CNTN6: variants seen among roughly 807,000 people sequenced by gnomAD.
CNTN6 encodes contactin 6.
In CNTN6, 137 loss-of-function variants were observed where a neutral mutation model predicts 122.8. The observed-to-expected ratio is 1.12, with a 90% CI of 0.97 to 1.29. The LOEUF (loss-of-function observed/expected upper bound fraction) is 1.29. Ranked by LOEUF, CNTN6 falls within the 50% of genes most tolerant of loss-of-function variation. The pLI is 0.00. For missense variants in CNTN6, 1,634 were observed against 1,223.4 expected, an observed-to-expected ratio of 1.34 and a Z score of -5.01; for synonymous variants, 570 against 426.0, an observed-to-expected ratio of 1.34 and a Z score of -4.16.
chr3:1,269,618 A>T (rs2094988772), intron 4 of CNTN6, among the ~76,000 whole-genome samples: 1 of 152,170 alleles, frequency 6.6e-6, no homozygotes, highest in Non-Finnish European at 1.5e-5. Context: ...TGTGTCTATT[A>T]TAGAAAATCA....
intron 7 of CNTN6, among the ~76,000 whole-genome samples, chr3:1,306,538 T>G (rs1698384548): frequency 6.6e-6 from 1 of 152,188 alleles, no homozygotes; most frequent in Admixed American, 6.5e-5. Context: ...TGCTGAAAAG[T>G]GTGGACTTTA....
At chr3:1,205,175 G>C (rs61585331) in intron 2 of CNTN6, among the ~76,000 whole-genome samples, 51,834 of 151,812 alleles carry the variant, frequency 0.34, 9,562 homozygotes, top group African/African-American at 0.5. Context: ...GCAGTCTCTA[G>C]AAGTCGTATA....
intron 4 of CNTN6, among the ~76,000 whole-genome samples, chr3:1,249,372 A>G (rs2094627150): frequency 6.6e-6 from 1 of 152,220 alleles, no homozygotes; most frequent in Non-Finnish European, 1.5e-5. Flanking sequence ...TATTTTCTGT[A>G]TTTATACATC....
chr3:1,182,474 G>A (rs1366677316), intron 2 of CNTN6, among the ~76,000 whole-genome samples: 7 of 152,110 alleles, frequency 4.6e-5, no homozygotes, highest in Non-Finnish European at 8.8e-5. Context: ...CAAAATGGTA[G>A]TATCATCCTA....
At chr3:1,333,424 C>G (rs547659660) in intron 11 of CNTN6, among the ~76,000 whole-genome samples, 3 of 152,140 alleles carry the variant, frequency 2.0e-5, no homozygotes, top group Non-Finnish European at 4.4e-5. Flanking sequence ...TACATAACTT[C>G]TACCATCTCA....
At chr3:1,208,784 C>A (rs541687826) in intron 2 of CNTN6, among the ~76,000 whole-genome samples, 1 of 137,142 alleles carries the variant, frequency 7.3e-6, no homozygotes, top group African/African-American at 2.8e-5. Flanking sequence ...CTTGAAAGGA[C>A]CAAATAAGAT....
At chr3:1,148,891 C>T (rs765647594) in intron 2 of CNTN6, among the ~76,000 whole-genome samples, 14 of 152,124 alleles carry the variant, frequency 9.2e-5, no homozygotes, top group Non-Finnish European at 1.0e-4. Context: ...AAATGTTACC[C>T]TCTGTGAGTC....
intron 1 of CNTN6, among the ~76,000 whole-genome samples, chr3:1,124,327 T>C (rs558847596): frequency 2.0e-5 from 3 of 151,992 alleles, no homozygotes; most frequent in Admixed American, 1.3e-4. Flanking sequence ...TACCCCACCC[T>C]TATCTCTCTA....
chr3:1,358,731 T>G (rs1045110065), intron 12 of CNTN6, among the ~76,000 whole-genome samples: 9 of 152,000 alleles, frequency 5.9e-5, no homozygotes, highest in African/African-American at 1.4e-4. Context: ...ATCATTTGTA[T>G]TAACACCTAT....
chr3:1,113,886 A>G (rs1167040508), intron 1 of CNTN6, among the ~76,000 whole-genome samples: 1 of 152,166 alleles, frequency 6.6e-6, no homozygotes, highest in Non-Finnish European at 1.5e-5. Context: ...GAGGAGAATC[A>G]TCTTTCTAAG....
At chr3:1,186,927 G>C (rs2093636149) in intron 2 of CNTN6, among the ~76,000 whole-genome samples, 1 of 151,798 alleles carries the variant, frequency 6.6e-6, no homozygotes, top group East Asian at 1.9e-4. Flanking sequence ...TAGAAAGGAA[G>C]TCTTTCCATC....
rs1559597396 is a variant in CNTN6 at position 1,245,300 on chromosome 3, ATATAT to A, written c.358+17308_358+17312del. Among the ~76,000 whole-genome samples the A allele has an allele frequency of 6.7e-3, 38 of 5,696 alleles. 9 individuals carry two copies. The highest frequency in any genetic ancestry group is 0.028 in the African/African-American group (34 of 1,234). 3.7% of individuals were successfully genotyped at this position (5,696 alleles called of 152,430 possible). On this transcript the variant is annotated intron_variant, in intron 4 of 22. Coordinates refer to ENST00000446702, the MANE Select transcript of CNTN6 (RefSeq NM_001289080.2). ...ACACACACATATATATATAACATAT[ATATAT>A]ATATATATATATATATATATATATA...
At chr3:1,385,827 A>T in intron 20 of CNTN6, 30 bp downstream of exon 20, 1 of 1,562,548 alleles carries the variant, frequency 6.4e-7, no homozygotes. Flanking sequence ...AGGAAACAAG[A>T]TTCATCTGTG....
intron 8 of CNTN6, among the ~76,000 whole-genome samples, chr3:1,322,501 G>T (rs1700995166): frequency 6.6e-6 from 1 of 151,600 alleles, no homozygotes; most frequent in Non-Finnish European, 1.5e-5. Context: ...ACTATTAAAA[G>T]ATCCTTAACT....
intron 7 of CNTN6, among the ~76,000 whole-genome samples, chr3:1,306,850 T>G (rs1387460600): frequency 6.6e-6 from 1 of 152,188 alleles, no homozygotes; most frequent in Non-Finnish European, 1.5e-5. Flanking sequence ...ATTTTTGTGT[T>G]AAGGGACTTC....
In CNTN6 at chr3:1,396,003, CCTGA is replaced by C. The variant is rs904698385; in HGVS notation, c.2705-5426_2705-5423del. ...CCTAACCATCCCAATAATTTCTCTCCCTGACTGTCAAATCCTCCATCTAAACCTC... is the reference window on the plus strand; with the variant it reads ...CCTAACCATCCCAATAATTTCTCTCCCTGTCAAATCCTCCATCTAAACCTC... On this transcript the variant is annotated intron_variant, in intron 20 of 22. Transcript: ENST00000446702. 4.6e-5 allele frequency among the ~76,000 whole-genome samples: 7 copies of C among 152,130 alleles called. 1 individual carries two copies. Among genetic ancestry groups the C allele is most frequent in the Admixed American group, 1.3e-4 (2 of 15,280 alleles).
chr3:1,143,204 C>A (rs540190075), intron 1 of CNTN6, among the ~76,000 whole-genome samples: 15 of 151,984 alleles, frequency 9.9e-5, no homozygotes, highest in South Asian at 6.2e-4. Context: ...TTCAGAGATT[C>A]TTTTTAATTG....
chr3:1,349,593 A>G (rs1000183240), intron 11 of CNTN6, among the ~76,000 whole-genome samples: 1 of 151,914 alleles, frequency 6.6e-6, no homozygotes, highest in Admixed American at 6.6e-5. Flanking sequence ...TAATTCTTAC[A>G]TGTGCATTTT....
intron 12 of CNTN6, among the ~76,000 whole-genome samples, chr3:1,355,954 G>T (rs746232331): frequency 1.3e-5 from 2 of 151,752 alleles, no homozygotes; most frequent in African/African-American, 4.8e-5. Flanking sequence ...GCAGGATAAG[G>T]CGATTTTCCA....
Sources: allele counts gnomAD v4.1 joint callset (sites outside exome capture counted in the v4.1 genomes callset), GRCh38; gene constraint gnomAD v4.1.1; transcripts MANE v1.5; gene names NCBI Gene and HGNC (gene_info 2026-07-23, HGNC 2026-07-21).